The following CPA6 variants were observed in gnomAD, a reference collection of about 807,000 sequenced individuals.
CPA6 encodes carboxypeptidase B.
A neutral mutation model predicts 63.3 loss-of-function variants in CPA6; 58 were observed. That is an observed-to-expected ratio of 0.92 (90% CI 0.74 to 1.14). CPA6 has a LOEUF of 1.14. Ranked by LOEUF, CPA6 falls within the 50% of genes most tolerant of loss-of-function variation. CPA6 has a pLI of 0.00. For missense variants in CPA6, 565 were observed against 526.6 expected, an observed-to-expected ratio of 1.07 and a Z score of -0.71; for synonymous variants, 185 against 179.0, an observed-to-expected ratio of 1.03 and a Z score of -0.27.
At chr8:67,743,659 A>G (rs1468714132) in intron 1 of CPA6, among the ~76,000 whole-genome samples, 1 of 151,966 alleles carries the variant, frequency 6.6e-6, no homozygotes, top group East Asian at 1.9e-4. Flanking sequence ...AGACACTTAA[A>G]TTTACCATTT....
At chr8:67,486,054 A>G (rs770475970) in intron 6 of CPA6, among the ~76,000 whole-genome samples, 7 of 152,176 alleles carry the variant, frequency 4.6e-5, no homozygotes, top group Non-Finnish European at 1.0e-4. Flanking sequence ...TCTGTTTTAT[A>G]CTTAGGTTGT....
chr8:67,732,925 G>A (rs1203440089), intron 1 of CPA6, among the ~76,000 whole-genome samples: 1 of 151,986 alleles, frequency 6.6e-6, no homozygotes. Context: ...TGCCGGGCGT[G>A]GTGGCTCACG....
At chr8:67,625,662 A>C (rs565787088) in intron 1 of CPA6, among the ~76,000 whole-genome samples, 2 of 152,338 alleles carry the variant, frequency 1.3e-5, no homozygotes, top group East Asian at 3.9e-4. Flanking sequence ...CTAAGTAAAT[A>C]AAGCACAGTA....
chr8:67,568,437 A>T (rs1813397346), intron 2 of CPA6, among the ~76,000 whole-genome samples: 2 of 152,214 alleles, frequency 1.3e-5, no homozygotes, highest in South Asian at 4.1e-4. Context: ...ATACACAAAC[A>T]ACACCAGAAA....
At chr8:67,448,750 G>A (rs1810491920) in intron 8 of CPA6, among the ~76,000 whole-genome samples, 1 of 150,834 alleles carries the variant, frequency 6.6e-6, no homozygotes, top group African/African-American at 2.4e-5. Flanking sequence ...AAAGATTATA[G>A]GTACTTTCTA....
intron 1 of CPA6, among the ~76,000 whole-genome samples, chr8:67,742,961 A>G (rs1188083262): frequency 6.6e-6 from 1 of 152,182 alleles, no homozygotes; most frequent in Non-Finnish European, 1.5e-5. Flanking sequence ...GTGACGCAGA[A>G]GATTTTTTTT....
chr8:67,519,970 A>G (rs1053396680), intron 2 of CPA6, among the ~76,000 whole-genome samples: 3 of 152,034 alleles, frequency 2.0e-5, no homozygotes, highest in African/African-American at 7.2e-5. Flanking sequence ...TCAGTGAGGA[A>G]TAGCTGGTTT....
intron 2 of CPA6, among the ~76,000 whole-genome samples, chr8:67,567,006 G>A (rs1813353265): frequency 6.6e-6 from 1 of 152,198 alleles, no homozygotes; most frequent in African/African-American, 2.4e-5. Context: ...TGAACACCCT[G>A]CACTAGCAAT....
At chr8:67,503,978 C>T (rs991882036) in intron 6 of CPA6, among the ~76,000 whole-genome samples, 1 of 151,436 alleles carries the variant, frequency 6.6e-6, no homozygotes, top group Non-Finnish European at 1.5e-5. Context: ...TGTTCAACTC[C>T]CACTTATGAG....
intron 2 of CPA6, among the ~76,000 whole-genome samples, chr8:67,594,627 A>T (rs1006637453): frequency 6.6e-6 from 1 of 151,164 alleles, no homozygotes; most frequent in Non-Finnish European, 1.5e-5. Context: ...TGCTTCATTT[A>T]TTTCATCTTC....
intron 1 of CPA6, among the ~76,000 whole-genome samples, chr8:67,718,578 C>CTGA (rs1817428567): frequency 6.6e-6 from 1 of 151,766 alleles, no homozygotes; most frequent in Non-Finnish European, 1.5e-5. Flanking sequence ...TTAATCTGGA[C>CTGA]TGATACCTTT....
At chr8:67,422,917 C>T (rs1809799999) in intron 10 of CPA6, among the ~76,000 whole-genome samples, 1 of 152,194 alleles carries the variant, frequency 6.6e-6, no homozygotes, top group Non-Finnish European at 1.5e-5. Flanking sequence ...GTGTGAATGC[C>T]TTACCAGCAC....
At chr8:67,729,904 A>T (rs960598202) in intron 1 of CPA6, among the ~76,000 whole-genome samples, 1 of 152,224 alleles carries the variant, frequency 6.6e-6, no homozygotes. Context: ...TGCTATTCTT[A>T]CGGGCCCCAA....
chr8:67,556,720 C>T (rs998858945), intron 2 of CPA6, among the ~76,000 whole-genome samples: 1 of 152,250 alleles, frequency 6.6e-6, no homozygotes, highest in Non-Finnish European at 1.5e-5. Flanking sequence ...AAACCCCTAT[C>T]TGGACTCAGA....
At chr8:67,736,394 C>G (rs1817812825) in intron 1 of CPA6, among the ~76,000 whole-genome samples, 1 of 152,206 alleles carries the variant, frequency 6.6e-6, no homozygotes, top group East Asian at 1.9e-4. Flanking sequence ...CCTTCTCAAC[C>G]TACCTGCTCT....
At chr8:67,579,156 A>AGG (rs1382966558) in intron 2 of CPA6, among the ~76,000 whole-genome samples, 135 of 152,372 alleles carry the variant, frequency 8.9e-4, no homozygotes, top group African/African-American at 3.0e-3. Context: ...CACGCCTGTA[A>AGG]TCCCAGCACT....
chr8:67,478,490 A>G (rs1333744920), intron 8 of CPA6, among the ~76,000 whole-genome samples: 1 of 152,120 alleles, frequency 6.6e-6, no homozygotes, highest in Non-Finnish European at 1.5e-5. Flanking sequence ...GTTGGGGGCA[A>G]TCTTGTGGGA....
chr8:67,729,049 C>T (rs958347276), intron 1 of CPA6, among the ~76,000 whole-genome samples: 1 of 152,174 alleles, frequency 6.6e-6, no homozygotes, highest in African/African-American at 2.4e-5. Flanking sequence ...GAACTTGTCA[C>T]CTGACTCCTT....
chr8:67,626,253 A>G (rs150197288), intron 1 of CPA6, among the ~76,000 whole-genome samples: 38 of 152,304 alleles, frequency 2.5e-4, no homozygotes, highest in African/African-American at 8.9e-4. Flanking sequence ...AAGATGAAGT[A>G]AGGCTAATAT....
Sources: allele counts gnomAD v4.1 joint callset (sites outside exome capture counted in the v4.1 genomes callset), GRCh38; gene constraint gnomAD v4.1.1; transcripts MANE v1.5; gene names NCBI Gene and HGNC (gene_info 2026-07-23, HGNC 2026-07-21).